The following TPR variants were observed in gnomAD, a reference collection of about 807,000 sequenced individuals.
TPR encodes the protein nucleoprotein TPR.
A neutral mutation model predicts 316.1 loss-of-function variants in TPR; 51 were observed. That is an observed-to-expected ratio of 0.16 (90% CI 0.13 to 0.20). The LOEUF (loss-of-function observed/expected upper bound fraction) is 0.20, where lower values mean the gene tolerates loss of function less well. Among genes scored for constraint, TPR ranks in the 10% least tolerant of loss-of-function variants. TPR has a pLI of 1.00. For synonymous variants in TPR, 981 were observed against 914.7 expected (o/e 1.07, Z -1.31); for missense variants, 2,272 against 2,754.8 (o/e 0.82, Z 3.92).
At position 186,311,675 on chromosome 1, in the gene TPR, T is replaced by G. The variant is rs1657249981; in HGVS notation, c.*2296A>C. 1 of 1,400,604 alleles carries G rather than the reference T, an allele frequency of 7.1e-7. No homozygotes were observed. Among genetic ancestry groups the G allele is most frequent in the African/African-American group, 1.4e-5 (1 of 70,258 alleles). The allele number at this position is 1,400,604 out of a possible 1,614,324, so 86.8% of individuals were successfully genotyped here. On this transcript the variant is annotated 3_prime_UTR_variant, in exon 51 of 51. Transcript: ENST00000367478. ...CATTTTCATTTATTATTGACTTTAC[T>G]GTCAAAAGATATCTTTAATGGCTGA...
intron 21 of TPR, among the ~76,000 whole-genome samples, chr1:186,349,230 A>G (rs1469731333): frequency 1.3e-5 from 2 of 152,258 alleles, no homozygotes; most frequent in Non-Finnish European, 2.9e-5. Flanking sequence ...TATTGCATGT[A>G]ATTTACTGAA....
intron 35 of TPR, 66 bp from the exon 36 acceptor site, chr1:186,334,599 A>G: frequency 6.6e-7 from 1 of 1,506,546 alleles, no homozygotes; most frequent in Non-Finnish European, 9.1e-7. Flanking sequence ...TTAAAAACAC[A>G]GTGAGTATAG....
intron 37 of TPR, 35 bp downstream of exon 37, chr1:186,333,086 AG>A: frequency 6.3e-7 from 1 of 1,599,862 alleles, no homozygotes; most frequent in East Asian, 2.2e-5. Flanking sequence ...ATAAATGCAT[AG>A]GTCTACTCTG....
chr1:186,363,392 C>T lies in TPR; in HGVS notation c.481G>A (p.Glu161Lys), dbSNP rs904722257. 1.2e-6 allele frequency: 2 copies of T among 1,612,656 alleles called. No individual in the cohort carries two copies. Among genetic ancestry groups the T allele is most frequent in the Non-Finnish European group, 1.7e-6 (2 of 1,179,184 alleles). Residue 161 changes from glutamate (E) to lysine (K), a missense_variant, in exon 5 of 51, where the codon GAA (glutamate) becomes AAA (lysine). Physicochemically the swap from Glu to Lys is moderately conservative, Grantham distance 56. Coordinates refer to ENST00000367478, the MANE Select transcript of TPR (RefSeq NM_003292.3). ...AGTTCATCCAATTTTAACTGAAGTT[C>T]ACCCTTTGTTGTATTGCTTTCTTTA... is the stretch of plus-strand genomic sequence containing the variant. ...KLKESNTTKG[E>K]LQLKLDELQA... is the part of the protein sequence containing the mutation.
In TPR at chr1:186,326,278, GGCCC is replaced by G. The variant is rs1225530265; in HGVS notation, c.5890-47_5890-44del. 2.6e-6 allele frequency: 4 copies of G among 1,561,286 alleles called. No homozygotes were observed. The South Asian group carries it at 4.6e-5, about 18-fold the overall frequency. ...AGGCATAAATAAAAGTTTAGAATAT[GGCCC>G]ACATGCTCTGCATGTCTAGATACCA... On this transcript the variant is annotated intron_variant, in intron 40 of 50. Coordinates refer to ENST00000367478, the MANE Select transcript of TPR (RefSeq NM_003292.3).
chr1:186,332,344 C>G lies in TPR; in HGVS notation c.5456-1G>C. 6.2e-7 allele frequency: 1 copy of G among 1,611,160 alleles called. No individual in the cohort carries two copies. Among genetic ancestry groups the G allele is most frequent in the Non-Finnish European group, 8.5e-7 (1 of 1,178,766 alleles). ...AAAGAAGAACTGGGGGTAGCCGAAA[C>G]TTTGAAATTATATAAATCTTGAATT... On this transcript the variant is annotated splice_acceptor_variant, in intron 37 of 50. Transcript: ENST00000367478. LOFTEE classifies it high-confidence loss of function.
intron 36 of TPR, among the ~76,000 whole-genome samples, chr1:186,333,693 T>A (rs1322510892): frequency 6.6e-6 from 1 of 152,184 alleles, no homozygotes; most frequent in African/African-American, 2.4e-5. Flanking sequence ...TTAGAATTTT[T>A]CATTAAGCAT....
intron 42 of TPR, among the ~76,000 whole-genome samples, chr1:186,324,640 G>C (rs957090085): frequency 1.3e-5 from 2 of 152,140 alleles, no homozygotes; most frequent in Admixed American, 1.3e-4. Flanking sequence ...CTGCGATTCA[G>C]ATTCTTCATT....
At chr1:186,320,202 T>C in intron 46 of TPR, 110 bp downstream of exon 46, 1 of 917,876 alleles carries the variant, frequency 1.1e-6, no homozygotes, top group Non-Finnish European at 1.6e-6. Context: ...GCAAACAATA[T>C]CAATTTTAAA....
At chr1:186,372,426 C>T (rs1659560993) in intron 2 of TPR, among the ~76,000 whole-genome samples, 1 of 152,066 alleles carries the variant, frequency 6.6e-6, no homozygotes, top group Non-Finnish European at 1.5e-5. Flanking sequence ...CCTGTAATTC[C>T]AGCTACTCAG....
rs947471667 is a variant in TPR at position 186,343,881 on chromosome 1, A to G, written c.3602+25T>C. On this transcript the variant is annotated intron_variant, in intron 26 of 50. Coordinates refer to ENST00000367478, the MANE Select transcript of TPR (RefSeq NM_003292.3). ...ATTTCATAGTTGTTATACCACAGAAATGAAGCAGTAAGAACATGATTTACC... is the reference window on the plus strand; with the variant it reads ...ATTTCATAGTTGTTATACCACAGAAGTGAAGCAGTAAGAACATGATTTACC... 3 of 1,585,028 alleles carry G rather than the reference A, an allele frequency of 1.9e-6. No individual in the cohort carries two copies. In the African/African-American group the frequency reaches 4.1e-5, roughly 21 times the overall value.
chr1:186,346,076 T>C (rs1571621017), intron 23 of TPR, 59 bp downstream of exon 23: 4 of 1,519,744 alleles, frequency 2.6e-6, no homozygotes, highest in Non-Finnish European at 3.5e-6. Context: ...AATGACTTAG[T>C]TGAAAGAATT....
chr1:186,327,691 A>G (rs761414408), intron 39 of TPR, 31 bp from the exon 40 acceptor site: 13 of 1,591,952 alleles, frequency 8.2e-6, no homozygotes, highest in South Asian at 2.2e-5. Flanking sequence ...AAAAAGAATT[A>G]AGAGCCCTAT....
intron 42 of TPR, among the ~76,000 whole-genome samples, chr1:186,324,384 A>G (rs1407449470): frequency 3.3e-5 from 5 of 152,228 alleles, no homozygotes. Flanking sequence ...GAGAAGCCTT[A>G]CAACTACATT....
intron 31 of TPR, among the ~76,000 whole-genome samples, 197 bp from the exon 32 acceptor site, chr1:186,337,353 T>C (rs1356481398): frequency 6.6e-6 from 1 of 152,138 alleles, no homozygotes; most frequent in Non-Finnish European, 1.5e-5. Context: ...AACTGAATAC[T>C]AAACAGCTAA....
intron 4 of TPR, among the ~76,000 whole-genome samples, chr1:186,365,354 C>T (rs1323863608): frequency 6.6e-6 from 1 of 151,892 alleles, no homozygotes; most frequent in Admixed American, 6.6e-5. Flanking sequence ...CCTCGGCCTC[C>T]CAAAGTGCTG....
Position 186,362,873 on chromosome 1 carries a change from T to A in TPR, c.660A>T (p.Leu220=). 1 of 1,605,114 alleles carries A rather than the reference T, an allele frequency of 6.2e-7. No individual in the cohort carries two copies. The highest frequency in any genetic ancestry group is 8.5e-7 in the Non-Finnish European group (1 of 1,177,504). ...ALGREKGNEI[L]ELKCNLENKK... ...TATTTTCAAGATTACATTTAAGCTCTAGAATCTCATTCCCTTTTTCTCTTC... is the reference window on the plus strand; with the variant it reads ...TATTTTCAAGATTACATTTAAGCTCAAGAATCTCATTCCCTTTTTCTCTTC... Residue 220 remains leucine, a synonymous_variant, in exon 6 of 51, where the codon CTA becomes CTT. Transcript: ENST00000367478.
rs1368539225 is a variant in TPR, at chr1:186,327,026, T to C, written c.5889+434A>G. ...TATTAAATATATAATATATATATTA[T>C]ATATATAAATATATATAAATATATA... is the stretch of plus-strand genomic sequence containing the variant. On this transcript the variant is annotated intron_variant, in intron 40 of 50. Transcript: ENST00000367478. Among the ~76,000 whole-genome samples the C allele has an allele frequency of 2.6e-4, 14 of 53,966 alleles. 2 individuals are homozygous for C. The highest frequency in any genetic ancestry group is 3.4e-4 in the Non-Finnish European group (10 of 29,340). The allele number at this position is 53,966 out of a possible 152,430, so 35.4% of individuals were successfully genotyped here.
At chr1:186,320,535 G>C in intron 45 of TPR, 117 bp from the exon 46 acceptor site, 1 of 824,872 alleles carries the variant, frequency 1.2e-6, no homozygotes. Context: ...GAAGGAAACA[G>C]ATTGAAAATA....
Sources: gnomAD v4.1 joint callset for allele counts (sites outside exome capture counted in the v4.1 genomes callset) on GRCh38, gnomAD v4.1.1 for gene constraint, MANE v1.5 for transcripts, NCBI Gene and HGNC (gene_info 2026-07-23, HGNC 2026-07-21) for gene names.